Variants in MRTFB observed in about 807,000 individuals in gnomAD.
MRTFB encodes myocardin-related transcription factor B.
A neutral mutation model predicts 104.2 loss-of-function variants in MRTFB; 29 were observed. That is an observed-to-expected ratio of 0.28 (90% CI 0.21 to 0.38). The LOEUF (loss-of-function observed/expected upper bound fraction) is 0.38. MRTFB is among the 10% of genes least tolerant of loss of function. The pLI is 1.00. For missense variants in MRTFB, 1,270 were observed against 1,341.6 expected, an observed-to-expected ratio of 0.95 and a Z score of 0.83; for synonymous variants, 535 against 519.5, an observed-to-expected ratio of 1.03 and a Z score of -0.41.
intron 13 of MRTFB, 93 bp from the exon 14 acceptor site, chr16:14,251,769 A>T: frequency 7.2e-7 from 1 of 1,379,768 alleles, no homozygotes; most frequent in East Asian, 2.3e-5. Context: ...TTACAGAAAA[A>T]GTTTGCTGAC....
rs769526099 is a variant in MRTFB, at chr16:14,247,342, C to T, written c.2082C>T (p.Val694=). The part of the protein sequence containing the change: ...VPVGQAEQQS[V]VSQFYVSSQG... ...TGGGCCAGGCAGAGCAGCAGAGTGT[C>T]GTCTCGCAGTTTTATGTGAGTTCCC... The change falls in exon 12 of 17, where the codon GTC becomes GTT. Residue 694 remains valine, a synonymous_variant. Transcript: ENST00000571589. 9.3e-6 allele frequency: 15 copies of T among 1,614,058 alleles called. No homozygotes were observed. The highest frequency in any genetic ancestry group is 2.2e-5 in the East Asian group (1 of 44,886).
intron 8 of MRTFB, among the ~76,000 whole-genome samples, chr16:14,227,257 T>C (rs1056814524): frequency 1.3e-4 from 19 of 151,314 alleles, no homozygotes; most frequent in African/African-American, 4.4e-4. Context: ...ACTGCATTAG[T>C]TCCCGTGAGA....
Position 14,263,524 on chromosome 16 carries a change from T to C in MRTFB, c.*2080T>C, listed in dbSNP as rs182334986. 6.6e-6 allele frequency: 1 copy of C among 152,340 alleles called. No individual in the cohort carries two copies. Among genetic ancestry groups the C allele is most frequent in the Non-Finnish European group, 1.5e-5 (1 of 68,038 alleles). The allele number at this position is 152,340 out of a possible 1,614,324, so 9.4% of individuals were successfully genotyped here. A position where few individuals can be genotyped will look rare whatever the true frequency, so the allele number is the denominator to read the frequency against. ...TTAGCACCAAATATCAGTGGGACTGTAGAAGGTAACCGAACACTAGTACCA... is the reference window on the plus strand; with the variant it reads ...TTAGCACCAAATATCAGTGGGACTGCAGAAGGTAACCGAACACTAGTACCA... On this transcript the variant is annotated 3_prime_UTR_variant, in exon 17 of 17. Coordinates refer to ENST00000571589, the MANE Select transcript of MRTFB (RefSeq NM_001308142.2).
the MRTFB span, among the ~76,000 whole-genome samples, chr16:14,001,001 A>G: frequency 6.6e-6 from 1 of 152,260 alleles, no homozygotes; most frequent in Non-Finnish European, 1.5e-5. Flanking sequence ...ATGATCATCT[A>G]AATGTTGGAG....
chr16:14,098,361 T>C (rs1344339421), intron 2 of MRTFB, among the ~76,000 whole-genome samples: 4 of 152,226 alleles, frequency 2.6e-5, no homozygotes, highest in South Asian at 2.1e-4. Flanking sequence ...CATGTACTTA[T>C]TTGCCAATAG....
intron 2 of MRTFB, among the ~76,000 whole-genome samples, chr16:14,099,945 G>C (rs569752123): frequency 1.1e-4 from 16 of 152,286 alleles, no homozygotes; most frequent in African/African-American, 3.6e-4. Flanking sequence ...GATTACAGGT[G>C]TGAGCTGCTG....
At chr16:14,094,204 G>T (rs1461251730) in intron 2 of MRTFB, among the ~76,000 whole-genome samples, 3 of 152,092 alleles carry the variant, frequency 2.0e-5, no homozygotes, top group Admixed American at 1.3e-4. Context: ...TTGCTTTCAG[G>T]TATACAGTAT....
chr16:14,200,293 G>A (rs772024078), intron 3 of MRTFB: 80 of 1,595,144 alleles, frequency 5.0e-5, no homozygotes, highest in South Asian at 1.7e-4. Flanking sequence ...TCTGAGTTCC[G>A]ACCCGGACCC....
At chr16:14,026,516 A>C in the MRTFB span, among the ~76,000 whole-genome samples, 2 of 152,218 alleles carry the variant, frequency 1.3e-5, no homozygotes, top group Non-Finnish European at 2.9e-5. Flanking sequence ...ATTACACCAA[A>C]AGCACAATCC....
At chr16:14,066,274 T>C in the MRTFB span, among the ~76,000 whole-genome samples, 1 of 151,136 alleles carries the variant, frequency 6.6e-6, no homozygotes, top group Non-Finnish European at 1.5e-5. Flanking sequence ...ATTTATTTTA[T>C]TATTATTATT....
At chr16:14,192,201 G>A (rs992325796) in intron 3 of MRTFB, among the ~76,000 whole-genome samples, 2 of 149,256 alleles carry the variant, frequency 1.3e-5, no homozygotes, top group African/African-American at 4.9e-5. Context: ...GCAAGACTCC[G>A]TCTCTACAAA....
intron 8 of MRTFB, among the ~76,000 whole-genome samples, chr16:14,229,841 C>G (rs149208859): frequency 6.6e-6 from 1 of 152,120 alleles, no homozygotes; most frequent in South Asian, 2.1e-4. Context: ...ATCTGGCCCT[C>G]GTGAGACCTG....
At chr16:14,030,771 C>A in the MRTFB span, among the ~76,000 whole-genome samples, 5 of 152,166 alleles carry the variant, frequency 3.3e-5, no homozygotes, top group Non-Finnish European at 5.9e-5. Flanking sequence ...TTTTACCAGT[C>A]CCTAGTGGAA....
the MRTFB span, among the ~76,000 whole-genome samples, chr16:14,013,813 A>G: frequency 6.6e-6 from 1 of 152,136 alleles, no homozygotes; most frequent in Admixed American, 6.5e-5. Flanking sequence ...CCACTTTCCC[A>G]CTGCTTAAGA....
chr16:14,256,441 G>T (rs569065394), intron 15 of MRTFB, among the ~76,000 whole-genome samples: 69 of 152,274 alleles, frequency 4.5e-4, no homozygotes, highest in African/African-American at 1.4e-3. Flanking sequence ...AAACAGAATT[G>T]GCAGAGGTGA....
At chr16:14,063,717 C>A in the MRTFB span, among the ~76,000 whole-genome samples, 4 of 152,208 alleles carry the variant, frequency 2.6e-5, no homozygotes, top group Non-Finnish European at 5.9e-5. Context: ...GCACCCAGTG[C>A]TAGGTCAAGG....
At chr16:14,003,146 G>GCT in the MRTFB span, among the ~76,000 whole-genome samples, 1 of 152,128 alleles carries the variant, frequency 6.6e-6, no homozygotes, top group Admixed American at 6.5e-5. Flanking sequence ...ATCACACGTG[G>GCT]CTGGCCAGGC....
At chr16:14,060,553 G>A in the MRTFB span, among the ~76,000 whole-genome samples, 1 of 152,096 alleles carries the variant, frequency 6.6e-6, no homozygotes, top group Non-Finnish European at 1.5e-5. Context: ...CTCAAGGGTA[G>A]GGACCACATC....
At chr16:14,036,296 T>TTATATATATATATATATATATATATATA in the MRTFB span, among the ~76,000 whole-genome samples, 376 of 98,190 alleles carry the variant, frequency 3.8e-3, 8 homozygotes, top group South Asian at 5.5e-3. Flanking sequence ...TTATATATAT[T>TTATATATATATATATATATATATATATA]TATATATATA....
Sources: gnomAD v4.1 joint callset for allele counts (sites outside exome capture counted in the v4.1 genomes callset) on GRCh38, gnomAD v4.1.1 for gene constraint, MANE v1.5 for transcripts, NCBI Gene and HGNC (gene_info 2026-07-23, HGNC 2026-07-21) for gene names.